Variants in TGFA observed in about 807,000 individuals in gnomAD.
The protein encoded by TGFA is transforming growth factor alpha.
TGFA carries 12 observed loss-of-function variants against 21.7 expected under a neutral mutation model. The observed-to-expected ratio is 0.55, with a 90% CI of 0.35 to 0.90. The LOEUF (loss-of-function observed/expected upper bound fraction) is 0.90. Among genes scored for constraint, TGFA ranks in the 40% least tolerant of loss-of-function variants. The pLI, the probability that TGFA is intolerant of heterozygous loss-of-function variation, is 0.01. For missense variants in TGFA, 178 were observed against 210.8 expected (o/e 0.84, Z 0.96); for synonymous variants, 79 against 88.1 (o/e 0.90, Z 0.58).
At chr2:70,497,244 G>A (rs887180620) in intron 2 of TGFA, among the ~76,000 whole-genome samples, 1 of 152,228 alleles carries the variant, frequency 6.6e-6, no homozygotes, top group African/African-American at 2.4e-5. Flanking sequence ...ACTTTACTCT[G>A]AGAGTATGTT....
intron 2 of TGFA, among the ~76,000 whole-genome samples, chr2:70,503,777 G>A (rs782312552): frequency 6.6e-5 from 10 of 152,270 alleles, no homozygotes; most frequent in South Asian, 4.1e-4. Flanking sequence ...AATGAGAAGC[G>A]GAAATCAAGC....
At chr2:70,541,711 T>C (rs1431112918) in intron 1 of TGFA, among the ~76,000 whole-genome samples, 1 of 151,236 alleles carries the variant, frequency 6.6e-6, no homozygotes, top group Non-Finnish European at 1.5e-5. Flanking sequence ...GGGAGGAGAG[T>C]GCTTGATGAG....
intron 3 of TGFA, among the ~76,000 whole-genome samples, chr2:70,464,651 A>G (rs1670495832): frequency 6.6e-6 from 1 of 152,216 alleles, no homozygotes; most frequent in South Asian, 2.1e-4. Flanking sequence ...AAGGTTCAAT[A>G]TAGGTCCCCC....
chr2:70,506,994 CA>C (rs2103832267), intron 2 of TGFA, among the ~76,000 whole-genome samples: 1 of 152,326 alleles, frequency 6.6e-6, no homozygotes, highest in African/African-American at 2.4e-5. Flanking sequence ...TGAATATTCC[CA>C]GACTTCTGAG....
intron 2 of TGFA, among the ~76,000 whole-genome samples, chr2:70,478,800 C>A (rs1337520776): frequency 6.6e-6 from 1 of 152,006 alleles, no homozygotes; most frequent in Non-Finnish European, 1.5e-5. Context: ...AGTAGGTTGC[C>A]TTTTTTGTCT....
chr2:70,458,029 T>C (rs782629294), intron 3 of TGFA, among the ~76,000 whole-genome samples: 1 of 152,204 alleles, frequency 6.6e-6, no homozygotes, highest in Non-Finnish European at 1.5e-5. Flanking sequence ...CTAGGCACAC[T>C]GAGAGGGGAT....
chr2:70,541,563 G>T (rs782617252), intron 1 of TGFA, among the ~76,000 whole-genome samples: 1 of 152,212 alleles, frequency 6.6e-6, no homozygotes, highest in Non-Finnish European at 1.5e-5. Flanking sequence ...TTGAACTGAG[G>T]CTGGTGGAAA....
intron 1 of TGFA, among the ~76,000 whole-genome samples, chr2:70,534,888 C>A (rs563494270): frequency 5.9e-5 from 9 of 152,260 alleles, no homozygotes; most frequent in Middle Eastern, 3.4e-3. Flanking sequence ...ACCTCAGCAT[C>A]CACAGCCTTC....
In TGFA at chr2:70,449,081, C is replaced by T. The variant is rs982618650; in HGVS notation, c.*1778G>A. 3 of 152,158 alleles carry T rather than the reference C, an allele frequency of 2.0e-5. No individual in the cohort carries two copies. The highest frequency in any genetic ancestry group is 2.1e-4 in the South Asian group (1 of 4,832). The allele number at this position is 152,158 out of a possible 1,614,324, so 9.4% of individuals were successfully genotyped here. On this transcript the variant is annotated 3_prime_UTR_variant, in exon 6 of 6. Coordinates refer to ENST00000295400, the MANE Select transcript of TGFA (RefSeq NM_003236.4). ...TAAAAACCTGGAGCTGTGTCAACTA[C>T]GTTGCTAGGGGGTCAGCTCTGAACA...
At chr2:70,475,417 C>T (rs1242127822) in intron 2 of TGFA, among the ~76,000 whole-genome samples, 5 of 152,092 alleles carry the variant, frequency 3.3e-5, no homozygotes, top group Admixed American at 2.0e-4. Flanking sequence ...TTCAATGATG[C>T]GAAGTCAGCA....
chr2:70,493,325 C>G (rs1024824947), intron 2 of TGFA, among the ~76,000 whole-genome samples: 8 of 152,186 alleles, frequency 5.3e-5, no homozygotes, highest in Non-Finnish European at 1.0e-4. Flanking sequence ...CTGGGCTGTT[C>G]CACTGCATGG....
chr2:70,497,660 A>G (rs781990955), intron 2 of TGFA, among the ~76,000 whole-genome samples: 4 of 152,206 alleles, frequency 2.6e-5, no homozygotes, highest in African/African-American at 4.8e-5. Flanking sequence ...GGGTAGGATA[A>G]GAGAAAGTGG....
chr2:70,502,057 T>A (rs1307359016), intron 2 of TGFA, among the ~76,000 whole-genome samples: 1 of 152,264 alleles, frequency 6.6e-6, no homozygotes, highest in South Asian at 2.1e-4. Context: ...TCTGCCCTCC[T>A]GTGCCTCTGC....
chr2:70,510,473 C>T (rs146547202), intron 2 of TGFA, among the ~76,000 whole-genome samples: 5 of 152,228 alleles, frequency 3.3e-5, no homozygotes, highest in Non-Finnish European at 7.4e-5. Context: ...ACCTCACAGG[C>T]CACTTCTGAT....
intron 2 of TGFA, among the ~76,000 whole-genome samples, chr2:70,470,385 G>A (rs1302478219): frequency 6.6e-6 from 1 of 152,190 alleles, no homozygotes; most frequent in Non-Finnish European, 1.5e-5. Flanking sequence ...TCTTAGCAAG[G>A]ATGTATAAGG....
intron 1 of TGFA, among the ~76,000 whole-genome samples, chr2:70,536,535 A>G (rs782355305): frequency 6.6e-6 from 1 of 152,238 alleles, no homozygotes; most frequent in Non-Finnish European, 1.5e-5. Context: ...CTAGAAATCA[A>G]TAACAGAAAG....
chr2:70,456,719 C>T (rs1326135223), intron 3 of TGFA, among the ~76,000 whole-genome samples: 2 of 152,226 alleles, frequency 1.3e-5, no homozygotes, highest in South Asian at 2.1e-4. Flanking sequence ...TTATCATCTG[C>T]GGAGGCAAGC....
chr2:70,502,959 G>C (rs1269536048), intron 2 of TGFA, among the ~76,000 whole-genome samples: 2 of 152,168 alleles, frequency 1.3e-5, no homozygotes, highest in African/African-American at 4.8e-5. Flanking sequence ...ATGGGGGACG[G>C]AGGCACAGAG....
At chr2:70,528,615 C>T (rs187854332) in intron 1 of TGFA, among the ~76,000 whole-genome samples, 2 of 152,250 alleles carry the variant, frequency 1.3e-5, no homozygotes, top group East Asian at 3.9e-4. Flanking sequence ...CAAGAAAAGC[C>T]AGTATCCTGG....
Sources: allele counts gnomAD v4.1 joint callset (sites outside exome capture counted in the v4.1 genomes callset), GRCh38; gene constraint gnomAD v4.1.1; transcripts MANE v1.5; gene names NCBI Gene and HGNC (gene_info 2026-07-23, HGNC 2026-07-21).